CHN2: variants seen among roughly 807,000 people sequenced by gnomAD.
The protein encoded by CHN2 is chimerin 2.
In CHN2, 35 loss-of-function variants were observed where a neutral mutation model predicts 56.3. That is an observed-to-expected ratio of 0.62 (90% CI 0.47 to 0.82). CHN2 has a LOEUF of 0.82. Among genes scored for constraint, CHN2 ranks in the 40% least tolerant of loss-of-function variants. The probability of loss-of-function intolerance (pLI) is 0.00; values close to 1 mark genes in which losing one functional copy is unlikely to be tolerated. For synonymous variants in CHN2, 210 were observed against 212.8 expected, an observed-to-expected ratio of 0.99 and a Z score of 0.12; for missense variants, 491 against 580.5, an observed-to-expected ratio of 0.85 and a Z score of 1.58.
At chr7:29,169,054 AGGCAAT>A (rs528232721) in intron 2 of CHN2, among the ~76,000 whole-genome samples, 2,527 of 152,344 alleles carry the variant, frequency 0.017, 52 homozygotes, top group African/African-American at 0.057. Flanking sequence ...TGATTTTCAT[AGGCAAT>A]TCTAATGGAT....
intron 1 of CHN2, among the ~76,000 whole-genome samples, chr7:29,321,570 C>CTTTCTTT (rs1554400949): frequency 7.8e-6 from 1 of 128,188 alleles, no homozygotes; most frequent in Non-Finnish European, 1.6e-5. Flanking sequence ...TTCTTTCTTT[C>CTTTCTTT]TTTTTTTTTT....
chr7:29,487,291 A>T (rs1788131951), intron 7 of CHN2, among the ~76,000 whole-genome samples: 1 of 152,196 alleles, frequency 6.6e-6, no homozygotes, highest in Non-Finnish European at 1.5e-5. Context: ...TCTGGAAAGA[A>T]AATTCAAAAC....
chr7:29,238,610 A>G (rs1030948391), intron 1 of CHN2, among the ~76,000 whole-genome samples: 1 of 152,192 alleles, frequency 6.6e-6, no homozygotes, highest in Non-Finnish European at 1.5e-5. Flanking sequence ...GAGAGTTACA[A>G]CAACAACAAA....
chr7:29,497,007 G>T (rs906672021), intron 8 of CHN2, among the ~76,000 whole-genome samples: 1 of 152,080 alleles, frequency 6.6e-6, no homozygotes, highest in African/African-American at 2.4e-5. Context: ...TTCCCATTTT[G>T]GCTCACAGCA....
exon 2 of CHN2, chr7:29,146,938 T>C: frequency 6.4e-7 from 1 of 1,551,162 alleles, no homozygotes; most frequent in Non-Finnish European, 8.7e-7. Flanking sequence ...TCGCTGATGG[T>C]CTACATTCCA....
At chr7:29,278,464 C>A (rs1584945574) in intron 1 of CHN2, among the ~76,000 whole-genome samples, 1 of 146,896 alleles carries the variant, frequency 6.8e-6, no homozygotes, top group Admixed American at 6.8e-5. Flanking sequence ...AAAAAAAAAA[C>A]CAGGTGGCTG....
chr7:29,445,956 C>T (rs570085531), intron 6 of CHN2, among the ~76,000 whole-genome samples: 1 of 151,878 alleles, frequency 6.6e-6, no homozygotes, highest in Non-Finnish European at 1.5e-5. Context: ...GAAGTGGCTA[C>T]TCGTGCAGCT....
chr7:29,381,786 A>G (rs142927645), intron 3 of CHN2, among the ~76,000 whole-genome samples: 2,209 of 139,180 alleles, frequency 0.016, 13 homozygotes, highest in Non-Finnish European at 0.023. Flanking sequence ...TAAGCAATAA[A>G]AGTCTATTCT....
chr7:29,485,406 C>T (rs1585572299), intron 7 of CHN2, among the ~76,000 whole-genome samples: 1 of 152,170 alleles, frequency 6.6e-6, no homozygotes, highest in African/African-American at 2.4e-5. Context: ...CGCCCTGAAG[C>T]TGACCCTGTG....
intron 1 of CHN2, chr7:29,292,923 A>C (rs115892746): frequency 6.6e-6 from 3 of 456,076 alleles, no homozygotes; most frequent in African/African-American, 6.0e-5. Context: ...GCCTCTCTTC[A>C]GTCTATTCTG....
intron 1 of CHN2, among the ~76,000 whole-genome samples, chr7:29,271,584 T>C: frequency 6.6e-6 from 1 of 152,200 alleles, no homozygotes. Flanking sequence ...AATCAGGTGC[T>C]TGCTGTTCAG....
chr7:29,209,654 A>G (rs1160989479), intron 1 of CHN2, among the ~76,000 whole-genome samples: 1 of 152,204 alleles, frequency 6.6e-6, no homozygotes, highest in African/African-American at 2.4e-5. Flanking sequence ...TTGGAACTAT[A>G]TTATTAGAAA....
intron 1 of CHN2, among the ~76,000 whole-genome samples, chr7:29,264,220 C>G (rs985757515): frequency 6.6e-6 from 1 of 151,600 alleles, no homozygotes; most frequent in African/African-American, 2.4e-5. Context: ...CCGGCCACCA[C>G]CCCGTCTGGG....
chr7:29,267,577 A>G (rs1251085155), intron 1 of CHN2, among the ~76,000 whole-genome samples: 1 of 152,200 alleles, frequency 6.6e-6, no homozygotes, highest in Admixed American at 6.5e-5. Context: ...ATTAAAGCAT[A>G]CAAAAGGCCA....
chr7:29,202,902 G>A lies in CHN2; in HGVS notation c.49+7912G>A, dbSNP rs997353750. Among the ~76,000 whole-genome samples the A allele has an allele frequency of 3.5e-4, 54 of 152,308 alleles. 1 individual carries two copies. The highest frequency in any genetic ancestry group is 1.2e-3 in the African/African-American group (50 of 41,558). ...AGCAAAGAAATGGGAAGCAGGGAGC[G>A]TGGCTGTTGCAGTAGATCTCCTGCA... is the stretch of plus-strand genomic sequence containing the variant. On this transcript the variant is annotated intron_variant, in intron 1 of 12. Transcript: ENST00000222792.
intron 7 of CHN2, among the ~76,000 whole-genome samples, chr7:29,482,856 G>C (rs1435589976): frequency 9.5e-6 from 1 of 105,468 alleles, no homozygotes; most frequent in African/African-American, 3.7e-5. Flanking sequence ...GAGTCTCGCT[G>C]TGTCTCCCAG....
At chr7:29,160,858 T>C (rs1795077627) in intron 2 of CHN2, among the ~76,000 whole-genome samples, 2 of 152,232 alleles carry the variant, frequency 1.3e-5, no homozygotes. Flanking sequence ...TATTAATCAT[T>C]GACACTAGGT....
rs1186245441 is a variant in CHN2, at chr7:29,480,300, G to T, written c.598G>T (p.Ala200Ser). 6.2e-7 allele frequency: 1 copy of T among 1,614,188 alleles called. No homozygotes were observed. The highest frequency in any genetic ancestry group is 1.7e-5 in the Admixed American group (1 of 60,018). The change falls in exon 7 of 13, where the codon GCT becomes TCT. Residue 200 changes from alanine to serine, a missense_variant. Coordinates refer to ENST00000222792, the MANE Select transcript of CHN2 (RefSeq NM_004067.4). ...ACAGATCTCCTCCCTGGTTCGAAGG[G>T]CTGCCCTCACACACAACGACAACCA... The part of the protein sequence containing the change: ...VEKISSLVRR[A>S]ALTHNDNHFN...
At chr7:29,262,394 G>A (rs1789628195) in intron 1 of CHN2, among the ~76,000 whole-genome samples, 1 of 152,054 alleles carries the variant, frequency 6.6e-6, no homozygotes, top group African/African-American at 2.4e-5. Context: ...TAACCCTTGT[G>A]GTTAATACTT....
Sources: gnomAD v4.1 joint callset for allele counts (sites outside exome capture counted in the v4.1 genomes callset) on GRCh38, gnomAD v4.1.1 for gene constraint, MANE v1.5 for transcripts, NCBI Gene and HGNC (gene_info 2026-07-23, HGNC 2026-07-21) for gene names.